The following ACTR3C variants were observed in gnomAD, a reference collection of about 807,000 sequenced individuals.
The protein encoded by ACTR3C is actin related protein 3C.
ACTR3C carries 18 observed loss-of-function variants against 26.3 expected under a neutral mutation model. That is an observed-to-expected ratio of 0.68 (90% CI 0.47 to 1.01). The LOEUF (loss-of-function observed/expected upper bound fraction) is 1.01, where lower values mean the gene tolerates loss of function less well. ACTR3C is among the 50% of genes least tolerant of loss of function. ACTR3C has a pLI of 0.00. For missense variants in ACTR3C, 184 were observed against 250.7 expected (o/e 0.73, Z 1.80); for synonymous variants, 55 against 94.5 (o/e 0.58, Z 2.42).
the ACTR3C span, among the ~76,000 whole-genome samples, chr7:150,000,462 A>T: frequency 1.1e-5 from 1 of 91,086 alleles, no homozygotes; most frequent in Non-Finnish European, 2.2e-5. Context: ...TCCCTGAAAA[A>T]TTTTTCTTAT....
intron 6 of ACTR3C, among the ~76,000 whole-genome samples, chr7:150,282,963 C>T (rs1179471320): frequency 1.4e-5 from 2 of 148,054 alleles, no homozygotes; most frequent in South Asian, 2.1e-4. Flanking sequence ...AAAAGCCAAC[C>T]GTGCCACTTG....
intron 1 of ACTR3C, among the ~76,000 whole-genome samples, chr7:150,303,583 A>C (rs1279714711): frequency 6.6e-6 from 1 of 152,228 alleles, no homozygotes; most frequent in East Asian, 1.9e-4. Flanking sequence ...CTTGAATCAA[A>C]ATCGATGTTA....
At chr7:150,165,071 G>C in the ACTR3C span, among the ~76,000 whole-genome samples, 4 of 152,230 alleles carry the variant, frequency 2.6e-5, no homozygotes, top group East Asian at 1.9e-4. Flanking sequence ...TAGGTGTGCC[G>C]CACTCCGAAA....
chr7:149,967,611 G>C, the ACTR3C span, among the ~76,000 whole-genome samples: 1 of 152,110 alleles, frequency 6.6e-6, no homozygotes, highest in African/African-American at 2.4e-5. Flanking sequence ...ACCATTCCTG[G>C]CTATAAGCAA....
At chr7:150,143,332 C>A in the ACTR3C span, among the ~76,000 whole-genome samples, 1 of 152,110 alleles carries the variant, frequency 6.6e-6, no homozygotes, top group Non-Finnish European at 1.5e-5. Context: ...ATGCACAATG[C>A]ACAACAGAGT....
the ACTR3C span, among the ~76,000 whole-genome samples, chr7:150,185,107 C>CA: frequency 6.6e-6 from 1 of 151,664 alleles, no homozygotes; most frequent in Non-Finnish European, 1.5e-5. Context: ...AGGATATTAT[C>CA]AACTGAGAGG....
chr7:150,108,037 A>G, the ACTR3C span, among the ~76,000 whole-genome samples: 1 of 151,330 alleles, frequency 6.6e-6, no homozygotes, highest in Non-Finnish European at 1.5e-5. Context: ...TGAACATCTG[A>G]TAGCCTGGAA....
At chr7:150,075,788 A>G in the ACTR3C span, among the ~76,000 whole-genome samples, 2 of 152,204 alleles carry the variant, frequency 1.3e-5, no homozygotes, top group African/African-American at 4.8e-5. Flanking sequence ...TGAAAGGTGA[A>G]GACCTTGATT....
At chr7:149,999,849 TC>T in the ACTR3C span, among the ~76,000 whole-genome samples, 49 of 152,154 alleles carry the variant, frequency 3.2e-4, no homozygotes, top group African/African-American at 1.2e-3. Context: ...CTGATCCATT[TC>T]TTGAGCCAGC....
the ACTR3C span, among the ~76,000 whole-genome samples, chr7:150,092,015 A>G: frequency 2.1e-5 from 3 of 140,554 alleles, no homozygotes; most frequent in African/African-American, 5.2e-5. Flanking sequence ...AAAAAAAAAA[A>G]AAAAAAAGAA....
chr7:150,050,329 C>T, the ACTR3C span, among the ~76,000 whole-genome samples: 1 of 152,146 alleles, frequency 6.6e-6, no homozygotes, highest in Non-Finnish European at 1.5e-5. Context: ...ATGTATCATA[C>T]ATGATACTTC....
chr7:150,070,726 C>A, the ACTR3C span, among the ~76,000 whole-genome samples: 2 of 152,252 alleles, frequency 1.3e-5, no homozygotes, highest in East Asian at 1.9e-4. Flanking sequence ...GCTGGGATTA[C>A]AGGCGTGAGC....
chr7:150,253,052 T>C (rs1465707830), intron 6 of ACTR3C, among the ~76,000 whole-genome samples: 1 of 152,066 alleles, frequency 6.6e-6, no homozygotes. Context: ...TTACGTATAC[T>C]GGCTGCTTAC....
At chr7:150,147,317 A>G in the ACTR3C span, among the ~76,000 whole-genome samples, 10 of 152,214 alleles carry the variant, frequency 6.6e-5, no homozygotes, top group African/African-American at 2.2e-4. Flanking sequence ...TTTTTATACC[A>G]ACAACAGGGG....
At chr7:150,042,608 C>T in the ACTR3C span, among the ~76,000 whole-genome samples, 2 of 149,588 alleles carry the variant, frequency 1.3e-5, no homozygotes, top group African/African-American at 2.5e-5. Context: ...CGATGGGAGT[C>T]CCAAGAGCCA....
chr7:150,149,681 T>C, the ACTR3C span, among the ~76,000 whole-genome samples: 1 of 152,128 alleles, frequency 6.6e-6, no homozygotes, highest in East Asian at 1.9e-4. Flanking sequence ...CTCATCCTTT[T>C]TGATGGCTGC....
chr7:150,234,376 G>T, the ACTR3C span, among the ~76,000 whole-genome samples: 2 of 152,170 alleles, frequency 1.3e-5, no homozygotes, highest in African/African-American at 4.8e-5. Context: ...TGGAGGGTAG[G>T]TCTTTGTTAT....
At chr7:150,028,057 T>G in the ACTR3C span, among the ~76,000 whole-genome samples, 4,467 of 142,200 alleles carry the variant, frequency 0.031, no homozygotes, top group Middle Eastern at 0.089. Flanking sequence ...GAAAACACTC[T>G]TCATTGAATT....
At chr7:150,230,585 T>C in the ACTR3C span, among the ~76,000 whole-genome samples, 2 of 152,068 alleles carry the variant, frequency 1.3e-5, no homozygotes, top group Non-Finnish European at 2.9e-5. Flanking sequence ...ATGCAAGGGA[T>C]CTAGGTTGCA....
Sources: gnomAD v4.1 joint callset for allele counts (sites outside exome capture counted in the v4.1 genomes callset) on GRCh38, gnomAD v4.1.1 for gene constraint, MANE v1.5 for transcripts, NCBI Gene and HGNC (gene_info 2026-07-23, HGNC 2026-07-21) for gene names.